The following PIK3C2B variants were observed in gnomAD, a reference collection of about 807,000 sequenced individuals.
The protein encoded by PIK3C2B is phosphatidylinositol 4-phosphate 3-kinase C2 domain-containing subunit beta.
In PIK3C2B, 83 loss-of-function variants were observed where a neutral mutation model predicts 184.3. The observed-to-expected ratio is 0.45, with a 90% CI of 0.38 to 0.54. The LOEUF is 0.54. Ranked by LOEUF, PIK3C2B falls within the 20% of genes least tolerant of loss-of-function variation. The pLI is 0.00. For synonymous variants in PIK3C2B, 779 were observed against 837.6 expected (o/e 0.93, Z 1.21); for missense variants, 1,736 against 2,113.5 (o/e 0.82, Z 3.50).
At chr1:204,494,166 C>T (rs946891117) in intron 1 of PIK3C2B, among the ~76,000 whole-genome samples, 190 bp downstream of exon 1, 1 of 152,136 alleles carries the variant, frequency 6.6e-6, no homozygotes, top group Non-Finnish European at 1.5e-5. Flanking sequence ...CTGCTCTGCC[C>T]GGCGGGCAGG....
At chr1:204,489,147 TTTA>T (rs562004701) in intron 1 of PIK3C2B, among the ~76,000 whole-genome samples, 1 of 151,906 alleles carries the variant, frequency 6.6e-6, no homozygotes, top group Non-Finnish European at 1.5e-5. Flanking sequence ...GTACAAGCTC[TTTA>T]TTATTATTAT....
chr1:204,462,789 C>T (rs1038706658), intron 5 of PIK3C2B, among the ~76,000 whole-genome samples: 7 of 152,236 alleles, frequency 4.6e-5, no homozygotes, highest in African/African-American at 1.4e-4. Context: ...CACAGTGGCT[C>T]ACACCTGTAA....
In PIK3C2B at chr1:204,434,426, G is replaced by A; in HGVS notation, c.3686+13C>T. 1 of 1,613,448 alleles carries A rather than the reference G, an allele frequency of 6.2e-7. No individual in the cohort carries two copies. Among genetic ancestry groups the A allele is most frequent in the Non-Finnish European group, 8.5e-7 (1 of 1,179,522 alleles). ...GCCCTTCACTCACAATCTGGCTTCAGGAGATCACTTACCGCTTGATGTTGC... is the reference window on the plus strand; with the variant it reads ...GCCCTTCACTCACAATCTGGCTTCAAGAGATCACTTACCGCTTGATGTTGC... On this transcript the variant is annotated intron_variant, in intron 24 of 32. Coordinates refer to ENST00000684373, the MANE Select transcript of PIK3C2B (RefSeq NM_001377334.1).
chr1:204,470,854 T>C (rs957404519), intron 1 of PIK3C2B, among the ~76,000 whole-genome samples: 3 of 152,248 alleles, frequency 2.0e-5, no homozygotes, highest in Non-Finnish European at 2.9e-5. Flanking sequence ...TTAAAATAGC[T>C]TTGCTGAGTA....
rs568166908 is a variant in PIK3C2B, at chr1:204,459,959, G to A, written c.1503-18C>T. ...GGGCCTGCCTGGGAGTTGGGGGCAG[G>A]GAAAAACCACAGGAGAGGTCATGAA... On this transcript the variant is annotated intron_variant, in intron 7 of 32. Transcript: ENST00000684373. 39 of 1,611,700 alleles carry A rather than the reference G, an allele frequency of 2.4e-5. No individual in the cohort carries two copies. The South Asian group carries it at 2.5e-4, about 10-fold the overall frequency.
chr1:204,453,145 C>CTT (rs1654517397), intron 12 of PIK3C2B, among the ~76,000 whole-genome samples: 1 of 152,186 alleles, frequency 6.6e-6, no homozygotes, highest in African/African-American at 2.4e-5. Context: ...GCTACAAATA[C>CTT]TTAGCTTGCA....
chr1:204,485,223 G>A (rs79530616), intron 1 of PIK3C2B, among the ~76,000 whole-genome samples: 1,963 of 151,948 alleles, frequency 0.013, 52 homozygotes, highest in East Asian at 0.084. Flanking sequence ...TATCTCTCCC[G>A]TTCTTAGAAT....
intron 22 of PIK3C2B, among the ~76,000 whole-genome samples, chr1:204,439,759 C>T (rs1017254610): frequency 1.3e-5 from 2 of 152,112 alleles, no homozygotes; most frequent in East Asian, 1.9e-4. Flanking sequence ...CTCAGCCTCC[C>T]GAGGAGGTGG....
At chr1:204,439,760 G>A (rs968338786) in intron 22 of PIK3C2B, among the ~76,000 whole-genome samples, 11 of 152,150 alleles carry the variant, frequency 7.2e-5, no homozygotes, top group South Asian at 2.1e-4. Flanking sequence ...TCAGCCTCCC[G>A]AGGAGGTGGG....
intron 23 of PIK3C2B, among the ~76,000 whole-genome samples, chr1:204,438,237 G>A (rs947925157): frequency 6.6e-6 from 1 of 152,174 alleles, no homozygotes; most frequent in Non-Finnish European, 1.5e-5. Context: ...TGGTTATTGT[G>A]ATTTGTTCCT....
chr1:204,431,611 C>T, intron 28 of PIK3C2B, 58 bp downstream of exon 28: 1 of 1,606,244 alleles, frequency 6.2e-7, no homozygotes. Flanking sequence ...ACCTCCCATC[C>T]CGTATCCTTT....
At chr1:204,427,472 G>A (rs1201863644) in intron 31 of PIK3C2B, among the ~76,000 whole-genome samples, 176 bp downstream of exon 31, 1 of 152,176 alleles carries the variant, frequency 6.6e-6, no homozygotes, top group Non-Finnish European at 1.5e-5. Flanking sequence ...GCTACAAAAA[G>A]CTGTCTCATG....
At chr1:204,443,267 C>T in intron 19 of PIK3C2B, 150 bp downstream of exon 19, 1 of 655,018 alleles carries the variant, frequency 1.5e-6, no homozygotes. Flanking sequence ...TGTGGACTGC[C>T]TGTTTACGGC....
Position 204,433,375 on chromosome 1 carries a change from A to G in PIK3C2B, c.3894T>C (p.Tyr1298=), listed in dbSNP as rs780053158. The G allele has an allele frequency of 6.2e-7, 1 of 1,612,826 alleles. No individual in the cohort carries two copies. The highest frequency in any genetic ancestry group is 8.5e-7 in the Non-Finnish European group (1 of 1,178,788). Reference sequence around the variant, plus strand: ...CCTGAGGCCTCAGGGCATCGTACACATACTTGAGGTCCTCCAGGTCTGAGA... The same window carrying G: ...CCTGAGGCCTCAGGGCATCGTACACGTACTTGAGGTCCTCCAGGTCTGAGA... The part of the protein sequence containing the change: ...PELSDLEDLK[Y]VYDALRPQDT... The change falls in exon 26 of 33, where the codon TAT becomes TAC. Residue 1298 remains tyrosine (Y), a synonymous_variant. Coordinates refer to ENST00000684373, the MANE Select transcript of PIK3C2B (RefSeq NM_001377334.1). The surrounding 1 kb of genome is among the most constrained non-coding windows in gnomAD (Gnocchi z 5.0).
Position 204,455,886 on chromosome 1 carries a change from G to T in PIK3C2B, c.1913C>A (p.Thr638Asn). ...ARSLAFTVYA[T>N]HRIPIIWATS... ...AGCCCAGATGATGGGGATGCGGTGG[G>T]TGGCATAGACAGTGAAGGCCAGGGA... The change falls in exon 11 of 33, where the codon ACC (threonine) becomes AAC (asparagine). Residue 638 changes from threonine (T) to asparagine (N), a missense_variant. Coordinates refer to ENST00000684373, the MANE Select transcript of PIK3C2B (RefSeq NM_001377334.1). The T allele has an allele frequency of 6.2e-7, 1 of 1,613,598 alleles. No homozygotes were observed. Among genetic ancestry groups the T allele is most frequent in the Non-Finnish European group, 8.5e-7 (1 of 1,179,686 alleles).
chr1:204,478,858 C>G (rs1368721234), intron 1 of PIK3C2B, among the ~76,000 whole-genome samples: 1 of 152,202 alleles, frequency 6.6e-6, no homozygotes, highest in Non-Finnish European at 1.5e-5. Flanking sequence ...AAGCTTGGAG[C>G]CTGTGGGACA....
At chr1:204,470,040 A>G (rs1312747346) in intron 1 of PIK3C2B, among the ~76,000 whole-genome samples, 154 bp from the exon 2 acceptor site, 1 of 152,150 alleles carries the variant, frequency 6.6e-6, no homozygotes, top group Non-Finnish European at 1.5e-5. Flanking sequence ...GAAAAAAGGG[A>G]TACCAAGACA....
intron 7 of PIK3C2B, 26 bp from the exon 8 acceptor site, chr1:204,459,967 C>T (rs1294424838): frequency 6.2e-7 from 1 of 1,605,320 alleles, no homozygotes; most frequent in Non-Finnish European, 8.5e-7. Flanking sequence ...AGGGAAAAAC[C>T]ACAGGAGAGG....
In PIK3C2B at chr1:204,456,037, C is replaced by T; in HGVS notation, c.1762G>A (p.Ala588Thr). The change falls in exon 11 of 33, where the codon GCC becomes ACC. Residue 588 changes from alanine to threonine, a missense_variant. Coordinates refer to ENST00000684373, the MANE Select transcript of PIK3C2B (RefSeq NM_001377334.1). ...VRENREKVVE[A>T]LTAAILDLVE... ...AGGTCCAAGATGGCAGCGGTCAGGG[C>T]TTCCACGACCTTCTCTGGGAAGGGA... The T allele has an allele frequency of 6.2e-6, 10 of 1,612,828 alleles. No individual in the cohort carries two copies. The highest frequency in any genetic ancestry group is 8.5e-6 in the Non-Finnish European group (10 of 1,179,040).
Sources: allele counts gnomAD v4.1 joint callset (sites outside exome capture counted in the v4.1 genomes callset), GRCh38; gene constraint gnomAD v4.1.1; non-coding constraint Gnocchi (gnomAD v3.1); transcripts MANE v1.5; gene names NCBI Gene and HGNC (gene_info 2026-07-23, HGNC 2026-07-21).